Variants in COL4A1 observed in about 807,000 individuals in gnomAD.
COL4A1 encodes the protein collagen type IV alpha 1 chain.
In COL4A1, 40 loss-of-function variants were observed where a neutral mutation model predicts 216.6. The ratio of observed to expected loss-of-function variants is 0.18; its 90% CI spans 0.14 to 0.24. The LOEUF (loss-of-function observed/expected upper bound fraction) is 0.24, where lower values mean the gene tolerates loss of function less well. Among genes scored for constraint, COL4A1 ranks in the 10% least tolerant of loss-of-function variants. The pLI is 1.00. For missense variants in COL4A1, 1,628 were observed against 2,196.8 expected, an observed-to-expected ratio of 0.74 and a Z score of 5.18; for synonymous variants, 839 against 810.7, an observed-to-expected ratio of 1.03 and a Z score of -0.59.
intron 49 of COL4A1, 71 bp from the exon 50 acceptor site, chr13:110,155,468 G>A (rs930125979): frequency 7.2e-5 from 68 of 938,400 alleles, no homozygotes; most frequent in African/African-American, 6.6e-4. Flanking sequence ...GCACTGCCCC[G>A]TTACCTACAC....
At chr13:110,182,888 G>T in intron 28 of COL4A1, 105 bp downstream of exon 28, 1 of 1,111,930 alleles carries the variant, frequency 9.0e-7, no homozygotes, top group Non-Finnish European at 1.3e-6. Flanking sequence ...AAGCCTCCCT[G>T]AACAGCGGTC....
In COL4A1 at chr13:110,225,455, C is replaced by T. The variant is rs112704056; in HGVS notation, c.145-11440G>A. 4.0e-3 allele frequency among the ~76,000 whole-genome samples: 603 copies of T among 152,248 alleles called. 1 individual carries two copies. The highest frequency in any genetic ancestry group is 6.0e-3 in the Non-Finnish European group (406 of 68,016). The stretch of plus-strand genomic sequence containing the variant: ...AAAATTAGCCCAGCGTGGTGGCACA[C>T]GCCTGTAATCTCAGCTACTTGGGAG... On this transcript the variant is annotated intron_variant, in intron 2 of 51. Transcript: ENST00000375820.
At chr13:110,219,898 A>T (rs1880373220) in intron 2 of COL4A1, among the ~76,000 whole-genome samples, 1 of 141,392 alleles carries the variant, frequency 7.1e-6, no homozygotes, top group African/African-American at 2.7e-5. Context: ...GTGTGTATAT[A>T]TATGTATATA....
Position 110,205,411 on chromosome 13 carries a change from A to G in COL4A1, c.904-5T>C. 6.2e-7 allele frequency: 1 copy of G among 1,613,954 alleles called. No individual in the cohort carries two copies. The highest frequency in any genetic ancestry group is 8.5e-7 in the Non-Finnish European group (1 of 1,180,028). ...CCCGGGTTCACCAGGAAAACCCTGA[A>G]ACCGAAGAGAGAAGCAGTAACCGTC... On this transcript the variant is annotated splice_polypyrimidine_tract_variant and splice_region_variant and intron_variant, in intron 16 of 51. Transcript: ENST00000375820.
chr13:110,176,714 T>C lies in COL4A1; in HGVS notation c.2880A>G (p.Gly960=). The part of the protein sequence containing the change: ...KGDQGEKGQI[G]PIGEKGSRGD... ...CTCGGGATCCCTTCTCACCAATTGG[T>C]CCAATTTGTCCTACACATCAGAGAA... Residue 960 remains glycine (G), a synonymous_variant, in exon 35 of 52, where the codon GGA becomes GGG. Transcript: ENST00000375820. 1 of 1,613,852 alleles carries C rather than the reference T, an allele frequency of 6.2e-7. No homozygotes were observed. Among genetic ancestry groups the C allele is most frequent in the South Asian group, 1.1e-5 (1 of 91,078 alleles).
At position 110,210,183 on chromosome 13, in the gene COL4A1, C is replaced by T. The variant is rs768916277; in HGVS notation, c.498G>A (p.Val166=). Residue 166 remains valine (V), a synonymous_variant, in exon 9 of 52, where the codon GTG becomes GTA. Coordinates refer to ENST00000375820, the MANE Select transcript of COL4A1 (RefSeq NM_001845.6). ...KGDPGEILGH[V]PGMLLKGERG... ...TTTCACCTTTCAACAGCATCCCGGGCACATGGCCAAGTATCTCACCTGGAT... is the reference window on the plus strand; with the variant it reads ...TTTCACCTTTCAACAGCATCCCGGGTACATGGCCAAGTATCTCACCTGGAT... The T allele has an allele frequency of 1.2e-6, 2 of 1,613,768 alleles. No individual in the cohort carries two copies. The highest frequency in any genetic ancestry group is 1.1e-5 in the South Asian group (1 of 91,074).
chr13:110,235,421 C>T (rs537257555), intron 2 of COL4A1, among the ~76,000 whole-genome samples: 106 of 152,156 alleles, frequency 7.0e-4, no homozygotes, highest in Non-Finnish European at 9.1e-4. Flanking sequence ...GAGGCTGAGG[C>T]GGGCGGATCA....
intron 2 of COL4A1, among the ~76,000 whole-genome samples, chr13:110,228,042 TG>T (rs571185152): frequency 1.4e-4 from 22 of 152,114 alleles, no homozygotes; most frequent in African/African-American, 4.3e-4. Context: ...GGGCAAGAGG[TG>T]CCCGGTGACA....
chr13:110,179,383 C>T lies in COL4A1; in HGVS notation c.2232G>A (p.Leu744=), dbSNP rs368539530. 1 of 1,614,058 alleles carries T rather than the reference C, an allele frequency of 6.2e-7. No individual in the cohort carries two copies. The highest frequency in any genetic ancestry group is 8.5e-7 in the Non-Finnish European group (1 of 1,180,044). Residue 744 remains leucine, a synonymous_variant, in exon 30 of 52, where the codon TTG becomes TTA. Coordinates refer to ENST00000375820, the MANE Select transcript of COL4A1 (RefSeq NM_001845.6). ...PGVGLPGLKG[L]PGLPGIPGTP... ...TGCCAGGAATGCCGGGAAGACCTGG[C>T]AAACCTTTGAGTCCCGGTAGACCAA...
chr13:110,261,366 G>C (rs1882818712), intron 1 of COL4A1, among the ~76,000 whole-genome samples: 1 of 152,208 alleles, frequency 6.6e-6, no homozygotes, highest in East Asian at 1.9e-4. Context: ...ATTTGAAGTT[G>C]CTTCCTTTCC....
intron 43 of COL4A1, among the ~76,000 whole-genome samples, chr13:110,168,995 C>T (rs965545884): frequency 6.6e-6 from 1 of 152,070 alleles, no homozygotes; most frequent in African/African-American, 2.4e-5. Flanking sequence ...GATCCATGAC[C>T]ACCACTAAGA....
intron 21 of COL4A1, 89 bp from the exon 22 acceptor site, chr13:110,195,207 T>G: frequency 3.9e-6 from 4 of 1,031,238 alleles, no homozygotes; most frequent in Non-Finnish European, 6.1e-6. Context: ...CAAAATATTT[T>G]AGGCTATTTG....
rs749749020 is a variant in COL4A1, at chr13:110,177,030, A to C, written c.2724T>G (p.His908Gln). 1 of 1,613,972 alleles carries C rather than the reference A, an allele frequency of 6.2e-7. No homozygotes were observed. Among genetic ancestry groups the C allele is most frequent in the East Asian group, 2.2e-5 (1 of 44,874 alleles). ...TGGGTCCTGAGGAGCCCGGAAAGCCATGGTCCCCTGCAGAGGAAAGAGAAG... is the reference window on the plus strand; with the variant it reads ...TGGGTCCTGAGGAGCCCGGAAAGCCCTGGTCCCCTGCAGAGGAAAGAGAAG... ...APGLPGEKGD[H>Q]GFPGSSGPRG... Residue 908 changes from histidine to glutamine, a missense_variant, in exon 34 of 52, where the codon CAT becomes CAG. His to Gln is a conservative substitution (Grantham distance 24). Coordinates refer to ENST00000375820, the MANE Select transcript of COL4A1 (RefSeq NM_001845.6).
intron 1 of COL4A1, among the ~76,000 whole-genome samples, chr13:110,292,270 G>C (rs1016925299): frequency 1.3e-4 from 20 of 152,318 alleles, no homozygotes; most frequent in African/African-American, 4.8e-4. Flanking sequence ...ACATCTCTGA[G>C]AATGTGATAA....
chr13:110,285,125 A>C (rs1483549332), intron 1 of COL4A1, among the ~76,000 whole-genome samples: 1 of 152,248 alleles, frequency 6.6e-6, no homozygotes, highest in Non-Finnish European at 1.5e-5. Context: ...TGTAACCAAT[A>C]GATCAATTTT....
At position 110,201,751 on chromosome 13, in the gene COL4A1, A is replaced by G. The variant is rs1879258390; in HGVS notation, c.1000-229T>C. 2.4e-5 allele frequency: 16 copies of G among 677,904 alleles called. 1 individual carries two copies. The highest frequency in any genetic ancestry group is 2.2e-4 in the South Asian group (16 of 72,952). 42.0% of individuals were successfully genotyped at this position (677,904 alleles called of 1,614,324 possible). A position where few individuals can be genotyped will look rare whatever the true frequency, so the allele number is the denominator to read the frequency against. ...GTAATCCCAGCACTTTGGGAGGCTG[A>G]GGCAGGTGGATCACAAGGTCAGGAG... On this transcript the variant is annotated intron_variant, in intron 18 of 51. Transcript: ENST00000375820.
chr13:110,196,007 G>A (rs473499), intron 21 of COL4A1, among the ~76,000 whole-genome samples: 52,058 of 151,922 alleles, frequency 0.34, 9,106 homozygotes, highest in East Asian at 0.48. Flanking sequence ...GCCCTCCCTC[G>A]GGCTTGAATA....
At chr13:110,293,285 G>A (rs1194213038) in intron 1 of COL4A1, among the ~76,000 whole-genome samples, 1 of 152,176 alleles carries the variant, frequency 6.6e-6, no homozygotes, top group African/African-American at 2.4e-5. Flanking sequence ...CTGGGGGCTC[G>A]CACCTGTGGC....
Position 110,240,463 on chromosome 13 carries a change from C to T in COL4A1, c.144+2212G>A, listed in dbSNP as rs183579245. On this transcript the variant is annotated intron_variant, in intron 2 of 51. Transcript: ENST00000375820. Reference sequence around the variant, plus strand: ...CCCCTGTAGGAAGCTGGCATGGAGCCTCCCTCGGGACACAACTTCCACGTG... The same window carrying T: ...CCCCTGTAGGAAGCTGGCATGGAGCTTCCCTCGGGACACAACTTCCACGTG... 7.2e-5 allele frequency among the ~76,000 whole-genome samples: 11 copies of T among 152,362 alleles called. No individual in the cohort carries two copies. The East Asian group carries it at 1.9e-3, about 27-fold the overall frequency.
Sources: allele counts gnomAD v4.1 joint callset (sites outside exome capture counted in the v4.1 genomes callset), GRCh38; gene constraint gnomAD v4.1.1; transcripts MANE v1.5; gene names NCBI Gene and HGNC (gene_info 2026-07-23, HGNC 2026-07-21).